WDR7: variants seen among roughly 807,000 people sequenced by gnomAD.
The protein encoded by WDR7 is WD repeat domain 7, also known as WD repeat-containing protein 7.
In WDR7, 46 loss-of-function variants were observed where a neutral mutation model predicts 169.4. The ratio of observed to expected loss-of-function variants is 0.27; its 90% confidence interval spans 0.21 to 0.35. WDR7 has a LOEUF of 0.35. Ranked by LOEUF, WDR7 falls within the 10% of genes least tolerant of loss-of-function variation. WDR7 has a pLI of 1.00. For missense variants in WDR7, 1,534 were observed against 1,859.3 expected (o/e 0.83, Z 3.22); for synonymous variants, 612 against 666.8 (o/e 0.92, Z 1.27).
chr18:56,795,880 T>C (rs900835820), intron 19 of WDR7, among the ~76,000 whole-genome samples: 1 of 152,238 alleles, frequency 6.6e-6, no homozygotes, highest in African/African-American at 2.4e-5. Flanking sequence ...TACCACCAAG[T>C]TGATAACACA....
At chr18:56,702,421 C>T (rs951115635) in intron 12 of WDR7, among the ~76,000 whole-genome samples, 4 of 152,046 alleles carry the variant, frequency 2.6e-5, no homozygotes, top group African/African-American at 4.8e-5. Context: ...ATCAAGAGTA[C>T]GTTATAAAAC....
At chr18:56,731,652 G>A in intron 14 of WDR7, 55 bp downstream of exon 14, 3 of 1,423,180 alleles carry the variant, frequency 2.1e-6, no homozygotes, top group African/African-American at 1.4e-5. Flanking sequence ...ACTTCATTTA[G>A]TAACATGGCT....
intron 25 of WDR7, among the ~76,000 whole-genome samples, chr18:56,956,833 C>T (rs2047257246): frequency 6.6e-6 from 1 of 152,126 alleles, no homozygotes; most frequent in Non-Finnish European, 1.5e-5. Context: ...ATCCTGCAGA[C>T]TGTAACCAAG....
chr18:56,808,915 G>A (rs1003239621), intron 19 of WDR7, among the ~76,000 whole-genome samples: 6 of 152,000 alleles, frequency 3.9e-5, no homozygotes, highest in East Asian at 3.9e-4. Context: ...TAGATTTTTC[G>A]TAATGAAGAG....
intron 12 of WDR7, among the ~76,000 whole-genome samples, chr18:56,711,993 A>C (rs1229012331): frequency 6.6e-6 from 1 of 152,236 alleles, no homozygotes; most frequent in Non-Finnish European, 1.5e-5. Flanking sequence ...AGACAATAGA[A>C]TGTTCATGTG....
At chr18:56,871,312 G>T (rs2045949730) in intron 20 of WDR7, among the ~76,000 whole-genome samples, 1 of 151,948 alleles carries the variant, frequency 6.6e-6, no homozygotes, top group South Asian at 2.1e-4. Flanking sequence ...ATAAAACAAG[G>T]CTCTAAAAAA....
At chr18:56,799,217 C>A (rs1368066668) in intron 19 of WDR7, among the ~76,000 whole-genome samples, 1 of 152,096 alleles carries the variant, frequency 6.6e-6, no homozygotes, top group African/African-American at 2.4e-5. Context: ...CCAAGGAATT[C>A]ATTTAAAAGA....
intron 20 of WDR7, among the ~76,000 whole-genome samples, chr18:56,845,890 T>C (rs892380190): frequency 6.6e-6 from 1 of 152,238 alleles, no homozygotes; most frequent in African/African-American, 2.4e-5. Context: ...AATGTTATTA[T>C]GCTATGTTTT....
intron 19 of WDR7, among the ~76,000 whole-genome samples, chr18:56,793,988 A>G (rs551439441): frequency 4.5e-4 from 68 of 152,276 alleles, no homozygotes; most frequent in Non-Finnish European, 8.5e-4. Flanking sequence ...GAGTTGCTGC[A>G]TAGAGTTATT....
intron 20 of WDR7, among the ~76,000 whole-genome samples, chr18:56,819,419 T>C (rs2045045197): frequency 6.6e-6 from 1 of 152,140 alleles, no homozygotes; most frequent in African/African-American, 2.4e-5. Flanking sequence ...TAATATCTAT[T>C]GATCGGCTCT....
intron 1 of WDR7, among the ~76,000 whole-genome samples, chr18:56,667,091 C>T (rs907849609): frequency 1.3e-5 from 2 of 152,094 alleles, no homozygotes; most frequent in African/African-American, 4.8e-5. Flanking sequence ...AAAATACTTT[C>T]TGAGTTACAA....
intron 21 of WDR7, among the ~76,000 whole-genome samples, chr18:56,892,532 T>G (rs1033760105): frequency 1.3e-5 from 2 of 152,130 alleles, no homozygotes; most frequent in Non-Finnish European, 2.9e-5. Context: ...CATTTTTTTT[T>G]GCAAATAAAG....
chr18:56,951,451 C>G (rs2047181660), intron 25 of WDR7, among the ~76,000 whole-genome samples: 1 of 152,140 alleles, frequency 6.6e-6, no homozygotes, highest in Non-Finnish European at 1.5e-5. Context: ...ACAGTTACCT[C>G]TCCCCATCCT....
At chr18:56,876,371 C>G (rs1345460755) in intron 20 of WDR7, among the ~76,000 whole-genome samples, 5 of 151,992 alleles carry the variant, frequency 3.3e-5, no homozygotes, top group African/African-American at 1.2e-4. Flanking sequence ...TTTTTTAATC[C>G]TTCTGTGCCA....
chr18:56,859,146 G>A (rs2045766627), intron 20 of WDR7, among the ~76,000 whole-genome samples: 2 of 152,208 alleles, frequency 1.3e-5, no homozygotes, highest in African/African-American at 4.8e-5. Context: ...GTCTACTGAG[G>A]TCAACTTCCT....
Position 56,880,013 on chromosome 18 carries a change from C to T in WDR7, c.3374C>T (p.Thr1125Ile). ...TSYEERRKQA[T>I]AIVLLGVIGA... Reference sequence around the variant, plus strand: ...TACGAGGAAAGACGGAAGCAAGCTACCGCTATTGTTTTACTTGGAGTAATA... The same window carrying T: ...TACGAGGAAAGACGGAAGCAAGCTATCGCTATTGTTTTACTTGGAGTAATA... The change falls in exon 21 of 28, where the codon ACC (threonine) becomes ATC (isoleucine). Residue 1125 changes from threonine (T) to isoleucine (I), a missense_variant. Transcript: ENST00000254442. The T allele has an allele frequency of 6.2e-7, 1 of 1,614,070 alleles. No homozygotes were observed. The highest frequency in any genetic ancestry group is 2.2e-5 in the East Asian group (1 of 44,872).
At chr18:56,719,329 C>A (rs1034607224) in intron 13 of WDR7, among the ~76,000 whole-genome samples, 6 of 151,844 alleles carry the variant, frequency 4.0e-5, no homozygotes, top group Non-Finnish European at 8.8e-5. Flanking sequence ...TTTGGGAGGC[C>A]GAGACGGGCG....
intron 4 of WDR7, among the ~76,000 whole-genome samples, chr18:56,681,915 A>AT (rs1363496453): frequency 1.3e-5 from 2 of 152,190 alleles, no homozygotes. Flanking sequence ...TCTGACTTAC[A>AT]TTCCTGGTAT....
chr18:56,901,070 A>G (rs1177489410), intron 21 of WDR7, among the ~76,000 whole-genome samples: 3 of 152,138 alleles, frequency 2.0e-5, no homozygotes, highest in Non-Finnish European at 2.9e-5. Context: ...AAACTTTCAC[A>G]TCACTAAAAT....
Sources: allele counts gnomAD v4.1 joint callset (sites outside exome capture counted in the v4.1 genomes callset), GRCh38; gene constraint gnomAD v4.1.1; transcripts MANE v1.5; gene names NCBI Gene and HGNC (gene_info 2026-07-23, HGNC 2026-07-21).